Variants in ZNF565 observed in about 807,000 individuals in gnomAD.
ZNF565 encodes zinc finger protein 565.
ZNF565 carries 27 observed loss-of-function variants against 39.4 expected under a neutral mutation model. The observed-to-expected ratio is 0.69, with a 90% confidence interval of 0.51 to 0.95. ZNF565 has a LOEUF of 0.95. Among genes scored for constraint, ZNF565 ranks in the 40% least tolerant of loss-of-function variants. The probability of loss-of-function intolerance (pLI) is 0.00; values close to 1 mark genes in which losing one functional copy is unlikely to be tolerated. For synonymous variants in ZNF565, 185 were observed against 216.6 expected (o/e 0.85, Z 1.28); for missense variants, 524 against 621.1 (o/e 0.84, Z 1.66).
chr19:36,187,199 A>T (rs1433518168), intron 4 of ZNF565, among the ~76,000 whole-genome samples: 1 of 152,140 alleles, frequency 6.6e-6, no homozygotes, highest in African/African-American at 2.4e-5. Context: ...TCAAAAAAAA[A>T]AAAATAGACT....
chr19:36,203,484 TC>T (rs1247341292), intron 1 of ZNF565: 1 of 152,144 alleles, frequency 6.6e-6, no homozygotes, highest in Non-Finnish European at 1.5e-5. Context: ...GAACATCACT[TC>T]CCCATTGACT....
At chr19:36,210,296 C>T (rs1359511185) in intron 1 of ZNF565, among the ~76,000 whole-genome samples, 1 of 150,692 alleles carries the variant, frequency 6.6e-6, no homozygotes, top group Non-Finnish European at 1.5e-5. Context: ...AGGTGGTGGG[C>T]GCCTGTAATC....
intron 1 of ZNF565, among the ~76,000 whole-genome samples, chr19:36,234,106 TC>T (rs1445584580): frequency 6.6e-6 from 1 of 152,196 alleles, no homozygotes; most frequent in African/African-American, 2.4e-5. Context: ...CATGCTGCCT[TC>T]AAGCATTTGT....
intron 1 of ZNF565, 74 bp from the exon 2 acceptor site, chr19:36,202,124 G>A: frequency 3.8e-6 from 3 of 790,364 alleles, no homozygotes; most frequent in Non-Finnish European, 6.6e-6. Flanking sequence ...CCAAATAGAT[G>A]AGCTTAAAAG....
intron 4 of ZNF565, among the ~76,000 whole-genome samples, chr19:36,186,258 A>G (rs932556184): frequency 6.6e-6 from 1 of 152,058 alleles, no homozygotes; most frequent in Non-Finnish European, 1.5e-5. Flanking sequence ...CTTGGCTTCT[A>G]AAAGTATTGG....
intron 1 of ZNF565, chr19:36,237,477 G>T: frequency 1.2e-6 from 1 of 822,862 alleles, no homozygotes; most frequent in Admixed American, 3.2e-5. Flanking sequence ...GTACTGAAGA[G>T]AAAGACATGC....
intron 1 of ZNF565, among the ~76,000 whole-genome samples, chr19:36,232,735 A>G (rs1215251455): frequency 6.6e-6 from 1 of 150,814 alleles, no homozygotes; most frequent in Non-Finnish European, 1.5e-5. Flanking sequence ...CAGCCTCTTG[A>G]GTAGCTGGGA....
intron 1 of ZNF565, among the ~76,000 whole-genome samples, chr19:36,229,742 CAG>C (rs1197559099): frequency 6.6e-6 from 1 of 152,004 alleles, no homozygotes; most frequent in Non-Finnish European, 1.5e-5. Context: ...TTTTTTGAGA[CAG>C]AGTTTTGCTT....
chr19:36,235,687 AGAGAGGCACCAGGACTT>A (rs1371679863), intron 1 of ZNF565: 17 of 152,398 alleles, frequency 1.1e-4, no homozygotes, highest in Admixed American at 3.3e-4. Flanking sequence ...ATGCACAGAT[AGAGAGGCACCAGGACTT>A]GAGAGGCACC....
chr19:36,226,374 C>T (rs1332487650), intron 1 of ZNF565, among the ~76,000 whole-genome samples: 2 of 152,184 alleles, frequency 1.3e-5, no homozygotes, highest in Non-Finnish European at 2.9e-5. Context: ...GGTGATCAAG[C>T]TTTTTCAACA....
intron 1 of ZNF565, among the ~76,000 whole-genome samples, chr19:36,231,232 C>G (rs1031519074): frequency 6.6e-6 from 1 of 152,000 alleles, no homozygotes; most frequent in African/African-American, 2.4e-5. Context: ...TTTTTTGAGA[C>G]ATAGTTTCAC....
chr19:36,195,545 TTTCTC>T (rs900427846), intron 2 of ZNF565, among the ~76,000 whole-genome samples: 2 of 148,884 alleles, frequency 1.3e-5, no homozygotes, highest in Non-Finnish European at 3.0e-5. Context: ...TTTTTTTTCT[TTTCTC>T]TTTTTTTTTT....
chr19:36,236,321 A>T, intron 1 of ZNF565: 2 of 1,214,594 alleles, frequency 1.6e-6, no homozygotes, highest in Non-Finnish European at 2.3e-6. Flanking sequence ...GAGATCATAC[A>T]CAGAGAAGCC....
chr19:36,199,795 T>C (rs10416179), intron 2 of ZNF565, among the ~76,000 whole-genome samples: 99,452 of 151,762 alleles, frequency 0.66, 33,057 homozygotes, highest in African/African-American at 0.77. Flanking sequence ...GGATTACAGG[T>C]GTGAGCCACC....
chr19:36,201,996 A>C lies in ZNF565; in HGVS notation c.-11T>G. 1 of 1,614,096 alleles carries C rather than the reference A, an allele frequency of 6.2e-7. No homozygotes were observed. The highest frequency in any genetic ancestry group is 8.5e-7 in the Non-Finnish European group (1 of 1,179,998). ...ACATACCTGGGCCATGGCTTTTAGA[A>C]CTATTTGACCTGCTCTGATTTCTCT... On this transcript the variant is annotated 5_prime_UTR_variant, in exon 2 of 5. Transcript: ENST00000304116.
At chr19:36,232,206 A>T (rs1977410528) in intron 1 of ZNF565, among the ~76,000 whole-genome samples, 1 of 152,050 alleles carries the variant, frequency 6.6e-6, no homozygotes, top group Admixed American at 6.6e-5. Flanking sequence ...AAAAAAAAAA[A>T]AAAAAACATA....
At chr19:36,194,459 G>T in intron 3 of ZNF565, 131 bp from the exon 4 acceptor site, 1 of 612,464 alleles carries the variant, frequency 1.6e-6, no homozygotes, top group Non-Finnish European at 2.7e-6. Context: ...AGACCGAGCT[G>T]CCCAGCAGAA....
At chr19:36,203,336 C>CAAAAA (rs34808722) in intron 1 of ZNF565, 3 of 88,992 alleles carry the variant, frequency 3.4e-5, no homozygotes, top group African/African-American at 1.3e-4. Context: ...AACTCTGTCT[C>CAAAAA]AAAAAAAAAA....
At chr19:36,192,895 C>A (rs1436739844) in intron 4 of ZNF565, among the ~76,000 whole-genome samples, 3 of 152,048 alleles carry the variant, frequency 2.0e-5, no homozygotes, top group African/African-American at 7.2e-5. Context: ...CGGTTTACTG[C>A]AATCTCCACC....
Sources: gnomAD v4.1 joint callset for allele counts (sites outside exome capture counted in the v4.1 genomes callset) on GRCh38, gnomAD v4.1.1 for gene constraint, MANE v1.5 for transcripts, NCBI Gene and HGNC (gene_info 2026-07-23, HGNC 2026-07-21) for gene names.